Variants in ATP10D observed in about 807,000 individuals in gnomAD.
ATP10D encodes ATPase phospholipid transporting 10D (putative), also known as phospholipid-transporting ATPase VD.
In ATP10D, 89 loss-of-function variants were observed where a neutral mutation model predicts 144.8. The ratio of observed to expected loss-of-function variants is 0.61; its 90% CI spans 0.52 to 0.73. The LOEUF is 0.73. Ranked by LOEUF, ATP10D falls within the 30% of genes least tolerant of loss-of-function variation. The pLI, the probability that ATP10D is intolerant of heterozygous loss-of-function variation, is 0.00. For missense variants in ATP10D, 1,603 were observed against 1,714.8 expected (o/e 0.93, Z 1.15); for synonymous variants, 571 against 615.1 (o/e 0.93, Z 1.06).
intron 10 of ATP10D, among the ~76,000 whole-genome samples, chr4:47,548,101 TGAAA>T (rs1560438165): frequency 6.6e-6 from 1 of 152,188 alleles, no homozygotes; most frequent in Non-Finnish European, 1.5e-5. Context: ...TCCATCCACC[TGAAA>T]GTAAGAACAT....
chr4:47,528,134 A>G (rs1311456708), intron 5 of ATP10D, among the ~76,000 whole-genome samples: 1 of 152,072 alleles, frequency 6.6e-6, no homozygotes, highest in Non-Finnish European at 1.5e-5. Flanking sequence ...CTTTGTGCAG[A>G]TTTATTACAT....
chr4:47,540,562 A>G (rs1718086388), intron 9 of ATP10D, among the ~76,000 whole-genome samples: 1 of 152,214 alleles, frequency 6.6e-6, no homozygotes, highest in South Asian at 2.1e-4. Context: ...TTTTAAATTT[A>G]GGATAATTTT....
At chr4:47,501,795 G>A (rs1715693523) in intron 1 of ATP10D, among the ~76,000 whole-genome samples, 1 of 152,100 alleles carries the variant, frequency 6.6e-6, no homozygotes, top group Non-Finnish European at 1.5e-5. Context: ...CATATAACCT[G>A]TTATATGTCT....
chr4:47,570,390 G>A (rs1320213551), intron 16 of ATP10D, among the ~76,000 whole-genome samples: 1 of 152,236 alleles, frequency 6.6e-6, no homozygotes, highest in Admixed American at 6.5e-5. Flanking sequence ...TCTTACTCAT[G>A]TGAAGTTTGA....
chr4:47,535,850 G>A lies in ATP10D; in HGVS notation c.884-52G>A, dbSNP rs372444212. On this transcript the variant is annotated intron_variant, in intron 6 of 22. Coordinates refer to ENST00000273859, the MANE Select transcript of ATP10D (RefSeq NM_020453.4). Reference sequence around the variant, plus strand: ...AGAGAGATTTTTAAATATGGTATTCGCTTCTTGGCTTTAATTTGTACATTT... The same window carrying A: ...AGAGAGATTTTTAAATATGGTATTCACTTCTTGGCTTTAATTTGTACATTT... 340 of 1,561,460 alleles carry A rather than the reference G, an allele frequency of 2.2e-4. No homozygotes were observed. In the African/African-American group the frequency reaches 3.9e-3, roughly 18 times the overall value.
intron 1 of ATP10D, among the ~76,000 whole-genome samples, chr4:47,502,892 C>G (rs1250812254): frequency 6.6e-6 from 1 of 152,060 alleles, no homozygotes; most frequent in Non-Finnish European, 1.5e-5. Flanking sequence ...TAATTTGACT[C>G]TCCATCAGCC....
chr4:47,554,666 G>T, intron 10 of ATP10D, 60 bp from the exon 11 acceptor site: 2 of 1,352,034 alleles, frequency 1.5e-6, no homozygotes, highest in Non-Finnish European at 2.0e-6. Context: ...TTCTCATGTT[G>T]ATTTAAAACT....
chr4:47,524,424 C>T (rs1717128649), intron 4 of ATP10D, among the ~76,000 whole-genome samples: 1 of 152,150 alleles, frequency 6.6e-6, no homozygotes, highest in African/African-American at 2.4e-5. Flanking sequence ...GTCATTGTCA[C>T]TTCTGTAAGT....
chr4:47,532,666 G>A (rs990623634), intron 5 of ATP10D, among the ~76,000 whole-genome samples: 1 of 152,144 alleles, frequency 6.6e-6, no homozygotes, highest in Non-Finnish European at 1.5e-5. Flanking sequence ...AGCACAAATT[G>A]AGATGCTTAA....
chr4:47,494,934 C>T (rs1293697282), intron 1 of ATP10D, among the ~76,000 whole-genome samples: 7 of 152,168 alleles, frequency 4.6e-5, no homozygotes, highest in Admixed American at 1.3e-4. Flanking sequence ...TCTCCCAAAA[C>T]TATATTGACA....
intron 18 of ATP10D, among the ~76,000 whole-genome samples, chr4:47,575,924 CTTTTTTTTTTTTT>C (rs564960460): frequency 1.2e-5 from 1 of 82,282 alleles, no homozygotes; most frequent in Non-Finnish European, 2.1e-5. Flanking sequence ...ACTGGGGTCC[CTTTTTTTTTTTTT>C]TTTTTTTTTT....
chr4:47,554,006 T>C (rs1423000265), intron 10 of ATP10D, among the ~76,000 whole-genome samples: 1 of 152,248 alleles, frequency 6.6e-6, no homozygotes, highest in Non-Finnish European at 1.5e-5. Context: ...TACTGGATTA[T>C]ACTTAGATTT....
At chr4:47,558,745 A>G (rs1288929705) in intron 12 of ATP10D, among the ~76,000 whole-genome samples, 178 bp from the exon 13 acceptor site, 1 of 152,268 alleles carries the variant, frequency 6.6e-6, no homozygotes, top group Non-Finnish European at 1.5e-5. Flanking sequence ...CCAAGGGGAA[A>G]GAAACGAGGG....
At chr4:47,560,925 C>G (rs1719263318) in intron 13 of ATP10D, 24 bp from the exon 14 acceptor site, 1 of 1,613,628 alleles carries the variant, frequency 6.2e-7, no homozygotes, top group Admixed American at 1.7e-5. Flanking sequence ...TTGCTTCATA[C>G]CTCTCTTTTA....
At chr4:47,485,949 A>G (rs1417967952) in intron 1 of ATP10D, among the ~76,000 whole-genome samples, 1 of 152,180 alleles carries the variant, frequency 6.6e-6, no homozygotes, top group African/African-American at 2.4e-5. Flanking sequence ...AATTTTGGTT[A>G]TCTGCCTCAA....
intron 11 of ATP10D, among the ~76,000 whole-genome samples, chr4:47,556,495 G>A (rs529098862): frequency 3.3e-4 from 50 of 152,178 alleles, no homozygotes; most frequent in African/African-American, 1.2e-3. Flanking sequence ...AATATTATTG[G>A]TTATTCTTAA....
chr4:47,497,610 A>G (rs1715456700), intron 1 of ATP10D, among the ~76,000 whole-genome samples: 1 of 152,212 alleles, frequency 6.6e-6, no homozygotes, highest in African/African-American at 2.4e-5. Flanking sequence ...TAGTTGAATC[A>G]TACTAGTATA....
chr4:47,537,262 T>G (rs928325924), intron 9 of ATP10D, among the ~76,000 whole-genome samples: 3 of 152,142 alleles, frequency 2.0e-5, no homozygotes, highest in East Asian at 1.9e-4. Flanking sequence ...CTTTGAAAAA[T>G]ATTTTGGAAA....
intron 17 of ATP10D, 144 bp downstream of exon 17, chr4:47,572,374 C>T: frequency 1.6e-6 from 1 of 637,254 alleles, no homozygotes; most frequent in Non-Finnish European, 2.7e-6. Flanking sequence ...CCTATCTATT[C>T]ATTGATTTTT....
Sources: allele counts gnomAD v4.1 joint callset (sites outside exome capture counted in the v4.1 genomes callset), GRCh38; gene constraint gnomAD v4.1.1; transcripts MANE v1.5; gene names NCBI Gene and HGNC (gene_info 2026-07-23, HGNC 2026-07-21).